CCDC141: variants seen among roughly 807,000 people sequenced by gnomAD.
The protein encoded by CCDC141 is coiled-coil domain-containing protein 141.
In CCDC141, 168 loss-of-function variants were observed where a neutral mutation model predicts 181.0. The observed-to-expected ratio is 0.93, with a 90% confidence interval of 0.82 to 1.05. CCDC141 has a LOEUF of 1.05. CCDC141 is among the 50% of genes least tolerant of loss of function. CCDC141 has a pLI of 0.00. For synonymous variants in CCDC141, 666 were observed against 642.3 expected (o/e 1.04, Z -0.56); for missense variants, 1,902 against 1,788.5 (o/e 1.06, Z -1.14).
chr2:179,007,881 G>A (rs1223334244), intron 2 of CCDC141, among the ~76,000 whole-genome samples: 4 of 152,144 alleles, frequency 2.6e-5, no homozygotes, highest in Non-Finnish European at 5.9e-5. Flanking sequence ...CCAATATTAT[G>A]TCCAGTTGTC....
chr2:178,949,214 A>T, intron 5 of CCDC141, among the ~76,000 whole-genome samples: 1 of 152,100 alleles, frequency 6.6e-6, no homozygotes. Flanking sequence ...TGGAAGTCCC[A>T]CTTTGGACCC....
Position 178,938,801 on chromosome 2 carries a change from GT to G in CCDC141, c.897+5733del, listed in dbSNP as rs142295532. Among the ~76,000 whole-genome samples, 294 of 152,124 alleles carry G rather than the reference GT, an allele frequency of 1.9e-3. 1 individual carries two copies. Among genetic ancestry groups the G allele is most frequent in the Middle Eastern group, 6.8e-3 (2 of 294 alleles). ...CTCGCAGGGATGTAATGTATCCAAG[GT>G]ATGTCATTCATTATGTAGTGAATGA... is the stretch of plus-strand genomic sequence containing the variant. On this transcript the variant is annotated intron_variant, in intron 6 of 23. Coordinates refer to ENST00000443758, the MANE Select transcript of CCDC141 (RefSeq NM_173648.4).
At chr2:178,905,532 C>T in intron 7 of CCDC141, 31 bp from the exon 8 acceptor site, 4 of 1,525,480 alleles carry the variant, frequency 2.6e-6, no homozygotes, top group Non-Finnish European at 3.5e-6. Flanking sequence ...TTATTTTCTG[C>T]TTCTCTAGTT....
rs1326939494 is a variant in CCDC141 at position 178,918,892 on chromosome 2, C to T, written c.913G>A (p.Val305Ile). ...IIKAKEWNSAVEKLKSEALRI... is the reference protein window; with the variant it reads ...IIKAKEWNSAIEKLKSEALRI... ...AGTGCCTCACTCTTCAGCTTCTCAA[C>T]AGCAGAATTCCATTCCTGCAAGAGA... The change falls in exon 7 of 24, where the codon GTT (valine) becomes ATT (isoleucine). Residue 305 changes from valine (V) to isoleucine (I), a missense_variant. Physicochemically the swap from Val to Ile is conservative, Grantham distance 29. Coordinates refer to ENST00000443758, the MANE Select transcript of CCDC141 (RefSeq NM_173648.4). 6.4e-7 allele frequency: 1 copy of T among 1,550,394 alleles called. No individual in the cohort carries two copies. The highest frequency in any genetic ancestry group is 2.0e-5 in the Admixed American group (1 of 50,970).
chr2:178,815,466 CTT>C, the CCDC141 span, among the ~76,000 whole-genome samples: 1 of 152,124 alleles, frequency 6.6e-6, no homozygotes, highest in African/African-American at 2.4e-5. Context: ...TTGGCAAATT[CTT>C]TGTCAAAATG....
At chr2:178,896,544 G>C (rs1007325220) in intron 8 of CCDC141, among the ~76,000 whole-genome samples, 1 of 152,184 alleles carries the variant, frequency 6.6e-6, no homozygotes, top group Non-Finnish European at 1.5e-5. Context: ...GTTGGGACTT[G>C]AGCTGAAGCT....
At chr2:178,840,346 G>T (rs17453375) in intron 22 of CCDC141, among the ~76,000 whole-genome samples, 5,722 of 152,270 alleles carry the variant, frequency 0.038, 162 homozygotes, top group Non-Finnish European at 0.051. Context: ...ACTCCTTAAT[G>T]ACTTCTTCAG....
chr2:178,988,213 G>A (rs376555516), intron 2 of CCDC141, among the ~76,000 whole-genome samples: 79 of 151,026 alleles, frequency 5.2e-4, no homozygotes, highest in African/African-American at 1.4e-3. Flanking sequence ...GTAAACTATC[G>A]CAAGAACAAA....
intron 4 of CCDC141, among the ~76,000 whole-genome samples, chr2:178,966,173 G>T (rs1690621524): frequency 6.6e-6 from 1 of 152,220 alleles, no homozygotes; most frequent in Non-Finnish European, 1.5e-5. Flanking sequence ...TGGGGAAAGG[G>T]GCGCCTATGG....
At chr2:178,951,149 G>C (rs1488521946) in intron 5 of CCDC141, among the ~76,000 whole-genome samples, 1 of 152,186 alleles carries the variant, frequency 6.6e-6, no homozygotes, top group African/African-American at 2.4e-5. Flanking sequence ...TGTTTTTCAG[G>C]AGAGGAAACA....
At chr2:179,026,430 C>G (rs1303432510) in intron 2 of CCDC141, among the ~76,000 whole-genome samples, 2 of 152,206 alleles carry the variant, frequency 1.3e-5, no homozygotes, top group African/African-American at 4.8e-5. Flanking sequence ...GTTGAGCCTA[C>G]AAGTGCACAG....
intron 2 of CCDC141, among the ~76,000 whole-genome samples, chr2:178,986,393 T>C (rs1691740652): frequency 6.6e-6 from 1 of 152,230 alleles, no homozygotes; most frequent in South Asian, 2.1e-4. Flanking sequence ...AGCATTCCCT[T>C]TGAAAACTGG....
rs145300416 is a variant in CCDC141, at chr2:178,869,298, T to C, written c.2213A>G (p.Asn738Ser). ...NDMKPQFQQL[N>S]DEVQYIMKES... Reference sequence around the variant, plus strand: ...TTTCATAATGTACTGAACCTCATCATTCAATTGCTAAAACATTGAAAGCAA... The same window carrying C: ...TTTCATAATGTACTGAACCTCATCACTCAATTGCTAAAACATTGAAAGCAA... Residue 738 changes from asparagine (N) to serine (S), a missense_variant, in exon 15 of 24, where the codon AAT (asparagine) becomes AGT (serine). Asn to Ser is a conservative substitution (Grantham distance 46). Transcript: ENST00000443758. 37 of 1,579,148 alleles carry C rather than the reference T, an allele frequency of 2.3e-5. No homozygotes were observed. Among genetic ancestry groups the C allele is most frequent in the African/African-American group, 2.8e-5 (2 of 72,412 alleles).
intron 8 of CCDC141, among the ~76,000 whole-genome samples, chr2:178,903,178 C>T (rs1027942561): frequency 6.8e-6 from 1 of 147,038 alleles, no homozygotes; most frequent in South Asian, 2.3e-4. Context: ...ACTAGTTCAA[C>T]CATTGTGGAA....
At chr2:178,841,762 A>C (rs965906284) in intron 22 of CCDC141, among the ~76,000 whole-genome samples, 6 of 152,240 alleles carry the variant, frequency 3.9e-5, no homozygotes, top group Admixed American at 1.3e-4. Context: ...CTCCTGCCTC[A>C]GGCTCCCAAG....
intron 2 of CCDC141, among the ~76,000 whole-genome samples, chr2:178,991,345 G>T (rs952676166): frequency 6.6e-6 from 1 of 152,004 alleles, no homozygotes; most frequent in Non-Finnish European, 1.5e-5. Flanking sequence ...CTTTTCACAC[G>T]CAGCACTGTG....
chr2:178,951,624 G>A (rs1051871840), intron 5 of CCDC141, among the ~76,000 whole-genome samples: 1 of 152,124 alleles, frequency 6.6e-6, no homozygotes, highest in Non-Finnish European at 1.5e-5. Flanking sequence ...GAGGGAAGAG[G>A]AGAAAATGAT....
intron 2 of CCDC141, among the ~76,000 whole-genome samples, chr2:179,004,293 G>A (rs2042063355): frequency 1.3e-5 from 2 of 152,112 alleles, no homozygotes; most frequent in East Asian, 3.8e-4. Context: ...ATATGTGAGA[G>A]CAAACATATG....
intron 2 of CCDC141, among the ~76,000 whole-genome samples, chr2:178,988,532 C>A (rs919242398): frequency 2.6e-5 from 4 of 150,972 alleles, no homozygotes; most frequent in Non-Finnish European, 4.4e-5. Flanking sequence ...GAAAGAGAAC[C>A]CACGTTTATG....
Sources: allele counts gnomAD v4.1 joint callset (sites outside exome capture counted in the v4.1 genomes callset), GRCh38; gene constraint gnomAD v4.1.1; transcripts MANE v1.5; gene names NCBI Gene and HGNC (gene_info 2026-07-23, HGNC 2026-07-21).